Variants in MCM9 observed in about 807,000 individuals in gnomAD.
The protein encoded by MCM9 is DNA helicase MCM9.
In MCM9, 55 loss-of-function variants were observed where a neutral mutation model predicts 72.8. The ratio of observed to expected loss-of-function variants is 0.76; its 90% confidence interval spans 0.61 to 0.95. The LOEUF (loss-of-function observed/expected upper bound fraction) is 0.95, where lower values mean the gene tolerates loss of function less well. Ranked by LOEUF, MCM9 falls within the 40% of genes least tolerant of loss-of-function variation. The pLI is 0.00. For missense variants in MCM9, 1,279 were observed against 1,377.0 expected (o/e 0.93, Z 1.13); for synonymous variants, 480 against 503.4 (o/e 0.95, Z 0.62).
At chr6:118,911,612 A>G in intron 8 of MCM9, 38 bp downstream of exon 8, 1 of 1,585,948 alleles carries the variant, frequency 6.3e-7, no homozygotes, top group East Asian at 2.3e-5. Flanking sequence ...TAACTTCTGA[A>G]GTAATGTTAA....
intron 8 of MCM9, among the ~76,000 whole-genome samples, chr6:118,890,901 G>C (rs149967158): frequency 0.01 from 1,579 of 152,176 alleles, 30 homozygotes; most frequent in African/African-American, 0.036. Flanking sequence ...GTGATTACCC[G>C]AGGTGGAAAT....
intron 8 of MCM9, among the ~76,000 whole-genome samples, chr6:118,859,936 G>C (rs1218936244): frequency 6.6e-6 from 1 of 152,186 alleles, no homozygotes; most frequent in Non-Finnish European, 1.5e-5. Context: ...GAAGTTCACA[G>C]CCCAGGGACA....
chr6:118,906,731 T>A (rs1780203292), intron 8 of MCM9, among the ~76,000 whole-genome samples: 1 of 152,196 alleles, frequency 6.6e-6, no homozygotes, highest in South Asian at 2.1e-4. Flanking sequence ...ATTTTCTGAT[T>A]TTTCACTGGG....
chr6:118,877,778 T>G (rs141628859), intron 8 of MCM9, among the ~76,000 whole-genome samples: 1,581 of 152,252 alleles, frequency 0.01, 29 homozygotes, highest in African/African-American at 0.036. Context: ...TCATAATAGT[T>G]AAACCTGGAA....
chr6:118,883,427 A>C (rs966631631), intron 8 of MCM9, among the ~76,000 whole-genome samples: 10 of 139,432 alleles, frequency 7.2e-5, no homozygotes, highest in Non-Finnish European at 1.3e-4. Context: ...AGTTAGAAAA[A>C]AATGACTGAA....
chr6:118,911,135 G>C (rs758129984), intron 8 of MCM9: 4 of 985,320 alleles, frequency 4.1e-6, no homozygotes, highest in Non-Finnish European at 4.8e-6. Context: ...AAGTGTACTT[G>C]CTAAAGAATC....
intron 9 of MCM9, among the ~76,000 whole-genome samples, chr6:118,855,154 T>C (rs1383865550): frequency 6.6e-6 from 1 of 152,152 alleles, no homozygotes; most frequent in Non-Finnish European, 1.5e-5. Context: ...TACTTACAGA[T>C]AGCACAAAAA....
At chr6:118,864,563 A>C (rs1409025883) in intron 8 of MCM9, among the ~76,000 whole-genome samples, 1 of 152,050 alleles carries the variant, frequency 6.6e-6, no homozygotes, top group Non-Finnish European at 1.5e-5. Flanking sequence ...TGGGCGACTA[A>C]GAAAATTTCC....
At chr6:118,850,760 A>G (rs1356167995) in intron 9 of MCM9, among the ~76,000 whole-genome samples, 1 of 151,790 alleles carries the variant, frequency 6.6e-6, no homozygotes, top group East Asian at 1.9e-4. Flanking sequence ...TCTGTATGGA[A>G]AACACAGAAC....
intron 8 of MCM9, among the ~76,000 whole-genome samples, chr6:118,870,762 AT>A (rs1215254923): frequency 6.6e-6 from 1 of 152,168 alleles, no homozygotes; most frequent in Non-Finnish European, 1.5e-5. Context: ...AAAATCAGAA[AT>A]GAAAAGGACA....
chr6:118,899,200 G>A (rs1195543069), intron 8 of MCM9, among the ~76,000 whole-genome samples: 2 of 152,150 alleles, frequency 1.3e-5, no homozygotes, highest in Non-Finnish European at 2.9e-5. Flanking sequence ...ATTGAACACA[G>A]CAATCAAAGC....
At chr6:118,851,366 AAAG>A (rs769270953) in intron 9 of MCM9, among the ~76,000 whole-genome samples, 5 of 151,840 alleles carry the variant, frequency 3.3e-5, no homozygotes, top group Admixed American at 2.0e-4. Context: ...GATCAAGAAA[AAAG>A]AAACCTTTTC....
intron 10 of MCM9, among the ~76,000 whole-genome samples, chr6:118,828,543 G>A (rs1011460146): frequency 1.3e-5 from 2 of 152,072 alleles, no homozygotes; most frequent in South Asian, 2.1e-4. Context: ...GCACCACCAC[G>A]CCCAGCTGAT....
chr6:118,930,841 A>G (rs1022706), intron 3 of MCM9, among the ~76,000 whole-genome samples: 1 of 151,938 alleles, frequency 6.6e-6, no homozygotes, highest in African/African-American at 2.4e-5. Context: ...AATCACTTTT[A>G]AAACAGAAAG....
At position 118,926,921 on chromosome 6, in the gene MCM9, TA is replaced by T. The variant is rs1309149762; in HGVS notation, c.305-2795del. ...TACAGAAGGATACTCGAGTGGGAAA[TA>T]TGATAATTAACCCAATTTGCTTCTC... is the stretch of plus-strand genomic sequence containing the variant. On this transcript the variant is annotated intron_variant, in intron 3 of 13. Transcript: ENST00000619706. 2.0e-5 allele frequency among the ~76,000 whole-genome samples: 3 copies of T among 152,234 alleles called. No individual in the cohort carries two copies. The East Asian group carries it at 5.8e-4, about 29-fold the overall frequency.
At chr6:118,858,968 A>G (rs1776741525) in intron 8 of MCM9, among the ~76,000 whole-genome samples, 1 of 152,222 alleles carries the variant, frequency 6.6e-6, no homozygotes, top group Admixed American at 6.5e-5. Flanking sequence ...CAAAGGAGAT[A>G]GAAGAGCCAA....
chr6:118,876,353 A>G (rs1042215625), intron 8 of MCM9, among the ~76,000 whole-genome samples: 1 of 152,206 alleles, frequency 6.6e-6, no homozygotes, highest in East Asian at 1.9e-4. Context: ...AATGTACAAC[A>G]CTGAGTGAAT....
chr6:118,911,214 TCCCTA>T (rs1780521050), intron 8 of MCM9: 1 of 985,924 alleles, frequency 1.0e-6, no homozygotes. Context: ...TAATAAACAT[TCCCTA>T]CCTAAGAAAT....
intron 8 of MCM9, among the ~76,000 whole-genome samples, chr6:118,899,253 C>T (rs777255675): frequency 6.6e-6 from 1 of 152,210 alleles, no homozygotes; most frequent in African/African-American, 2.4e-5. Context: ...CTGCTCTGCT[C>T]AAAACCCTTC....
Sources: allele counts gnomAD v4.1 joint callset (sites outside exome capture counted in the v4.1 genomes callset), GRCh38; gene constraint gnomAD v4.1.1; transcripts MANE v1.5; gene names NCBI Gene and HGNC (gene_info 2026-07-23, HGNC 2026-07-21).